Variants in ZNF483 observed in about 807,000 individuals in gnomAD.
ZNF483 encodes the protein zinc finger protein 483.
ZNF483 carries 9 observed loss-of-function variants against 28.6 expected under a neutral mutation model. The ratio of observed to expected loss-of-function variants is 0.32; its 90% CI spans 0.19 to 0.55. The LOEUF (loss-of-function observed/expected upper bound fraction) is 0.55, where lower values mean the gene tolerates loss of function less well. Ranked by LOEUF, ZNF483 falls within the 20% of genes least tolerant of loss-of-function variation. ZNF483 has a pLI of 0.93. For synonymous variants in ZNF483, 322 were observed against 306.2 expected (o/e 1.05, Z -0.54); for missense variants, 675 against 871.7 (o/e 0.77, Z 2.84).
Position 111,550,526 on chromosome 9 carries a change from A to G in ZNF483, c.*7356A>G, listed in dbSNP as rs977811775. On this transcript the variant is annotated 3_prime_UTR_variant, in exon 6 of 6. Coordinates refer to ENST00000309235, the MANE Select transcript of ZNF483 (RefSeq NM_133464.5). The stretch of plus-strand genomic sequence containing the variant: ...CTGAAATCCACCAATGTTAACTGCA[A>G]TTTACCACTCAGAATTTCCCCTAGA... Among the ~76,000 whole-genome samples the G allele has an allele frequency of 1.3e-5, 2 of 152,144 alleles. No homozygotes were observed. The highest frequency in any genetic ancestry group is 2.9e-5 in the Non-Finnish European group (2 of 68,032).
chr9:111,543,021 TGTG>T lies in ZNF483; in HGVS notation c.2090_2092del (p.Gly697del). 1 of 1,614,170 alleles carries T rather than the reference TGTG, an allele frequency of 6.2e-7. No homozygotes were observed. The highest frequency in any genetic ancestry group is 8.5e-7 in the Non-Finnish European group (1 of 1,180,012). On this transcript the variant is annotated inframe_deletion, in exon 6 of 6. Coordinates refer to ENST00000309235, the MANE Select transcript of ZNF483 (RefSeq NM_133464.5). ...AGAGAAACCCTATGAGTGTAACTAT[TGTG>T]GTGCAACCTTTAGTCGAAGCTCAAT...
downstream of ZNF483, among the ~76,000 whole-genome samples, chr9:111,556,570 C>A (rs967749716): frequency 3.9e-5 from 6 of 152,222 alleles, no homozygotes; most frequent in African/African-American, 1.2e-4. Context: ...CAACTCTTGT[C>A]TTCTTTGCAC....
rs952675594 is a variant in ZNF483 at position 111,551,342 on chromosome 9, T to G, written c.*8172T>G. Among the ~76,000 whole-genome samples the G allele has an allele frequency of 6.6e-6, 1 of 151,984 alleles. No individual in the cohort carries two copies. Among genetic ancestry groups the G allele is most frequent in the African/African-American group, 2.4e-5 (1 of 41,400 alleles). ...TTCACATAGTTCTTCCAAACATACT[T>G]TGTTGTTGTTCTAAATATACTTAAT... On this transcript the variant is annotated 3_prime_UTR_variant, in exon 6 of 6. Transcript: ENST00000309235.
At chr9:111,562,173 T>G (rs1828346680) in intron 5 of ZNF483, among the ~76,000 whole-genome samples, 2 of 150,350 alleles carry the variant, frequency 1.3e-5, no homozygotes, top group Non-Finnish European at 3.0e-5. Flanking sequence ...GCGCCCGGCC[T>G]ATGCTGGTGT....
chr9:111,544,158 A>G lies in ZNF483; in HGVS notation c.*988A>G, dbSNP rs1003888560. 1.0e-6 allele frequency: 1 copy of G among 985,482 alleles called. No homozygotes were observed. Among genetic ancestry groups the G allele is most frequent in the African/African-American group, 1.7e-5 (1 of 57,348 alleles). 61.0% of individuals were successfully genotyped at this position (985,482 alleles called of 1,614,324 possible). ...CAGCCGTGAGAGTAACAGTCCTAGG[A>G]AAATAGATGGGGGCTGGGGGTAAGG... On this transcript the variant is annotated 3_prime_UTR_variant, in exon 6 of 6. Coordinates refer to ENST00000309235, the MANE Select transcript of ZNF483 (RefSeq NM_133464.5).
At chr9:111,525,437 T>G (rs1392310797) in intron 1 of ZNF483, among the ~76,000 whole-genome samples, 175 bp downstream of exon 1, 1 of 152,180 alleles carries the variant, frequency 6.6e-6, no homozygotes, top group Non-Finnish European at 1.5e-5. Context: ...TTGGCTTCCC[T>G]CCATCCCTCC....
chr9:111,540,305 G>A (rs575505465), intron 5 of ZNF483, among the ~76,000 whole-genome samples: 74 of 152,228 alleles, frequency 4.9e-4, no homozygotes, highest in African/African-American at 1.7e-3. Context: ...TTGGCCATTA[G>A]TTAACTTCTA....
chr9:111,557,073 C>T (rs116222371), downstream of ZNF483, among the ~76,000 whole-genome samples: 591 of 152,330 alleles, frequency 3.9e-3, 3 homozygotes, highest in African/African-American at 0.013. Flanking sequence ...GCCCTGGAAG[C>T]ATTTTCCCCA....
intron 5 of ZNF483, among the ~76,000 whole-genome samples, chr9:111,571,160 C>T (rs1454747193): frequency 6.7e-6 from 1 of 149,728 alleles, no homozygotes; most frequent in Non-Finnish European, 1.5e-5. Flanking sequence ...TGCCTATAAT[C>T]CAGCATTTTG....
At chr9:111,576,506 G>A (rs1829061896) in exon 6 of ZNF483, 3 of 1,554,470 alleles carry the variant, frequency 1.9e-6, no homozygotes, top group South Asian at 2.3e-5. Context: ...CTGGTTCGGG[G>A]AAGAGCTGGA....
In ZNF483 at chr9:111,549,892, T is replaced by C. The variant is rs891347669; in HGVS notation, c.*6722T>C. ...GTGAGTCAATGTTTGGTCTTCCTCATGTCCATTTTTTGTTGGTTTATTTTG... is the reference window on the plus strand; with the variant it reads ...GTGAGTCAATGTTTGGTCTTCCTCACGTCCATTTTTTGTTGGTTTATTTTG... On this transcript the variant is annotated 3_prime_UTR_variant, in exon 6 of 6. Coordinates refer to ENST00000309235, the MANE Select transcript of ZNF483 (RefSeq NM_133464.5). 17 of 768,550 alleles carry C rather than the reference T, an allele frequency of 2.2e-5. No individual in the cohort carries two copies. The African/African-American group carries it at 2.3e-4, about 11-fold the overall frequency. 47.6% of individuals were successfully genotyped at this position (768,550 alleles called of 1,614,324 possible). A position where few individuals can be genotyped will look rare whatever the true frequency, so the allele number is the denominator to read the frequency against.
In ZNF483 at chr9:111,538,090, A is replaced by G. The variant is rs950658356; in HGVS notation, c.722-3567A>G. ...AATGACAAAATAGACTAGTATCTAT[A>G]TATCTTAAAAATACATGACATACAT... On this transcript the variant is annotated intron_variant, in intron 5 of 5. Transcript: ENST00000309235. Among the ~76,000 whole-genome samples, 13 of 151,978 alleles carry G rather than the reference A, an allele frequency of 8.6e-5. No homozygotes were observed. The East Asian group carries it at 1.9e-3, about 23-fold the overall frequency.
At chr9:111,565,412 A>G (rs1828513463) in intron 5 of ZNF483, among the ~76,000 whole-genome samples, 1 of 152,246 alleles carries the variant, frequency 6.6e-6, no homozygotes, top group African/African-American at 2.4e-5. Flanking sequence ...ACAAACTAAT[A>G]CAAATACTAA....
chr9:111,569,423 A>C (rs536169770), intron 5 of ZNF483, among the ~76,000 whole-genome samples: 5 of 152,200 alleles, frequency 3.3e-5, no homozygotes, highest in Non-Finnish European at 7.3e-5. Context: ...TCCCATAGCC[A>C]AGTGAGGCTA....
chr9:111,578,053 G>T (rs140693644), downstream of ZNF483, among the ~76,000 whole-genome samples: 3,141 of 152,018 alleles, frequency 0.021, 34 homozygotes, highest in South Asian at 0.034. Flanking sequence ...TGCCAATATA[G>T]TAAAAAACAT....
intron 5 of ZNF483, among the ~76,000 whole-genome samples, chr9:111,561,368 T>C (rs1828317949): frequency 6.6e-6 from 1 of 151,892 alleles, no homozygotes; most frequent in South Asian, 2.1e-4. Context: ...CTCAGACTCC[T>C]GGTCTCAAGT....
Position 111,544,346 on chromosome 9 carries a change from GCA to G in ZNF483, c.*1177_*1178del, listed in dbSNP as rs1491036916. 21 of 960,322 alleles carry G rather than the reference GCA, an allele frequency of 2.2e-5. No homozygotes were observed. Among genetic ancestry groups the G allele is most frequent in the East Asian group, 1.3e-4 (1 of 7,470 alleles). The allele number at this position is 960,322 out of a possible 1,614,324, so 59.5% of individuals were successfully genotyped here. A position where few individuals can be genotyped will look rare whatever the true frequency, so the allele number is the denominator to read the frequency against. ...TATAACAATTTGCTTGGGTGTGTGT[GCA>G]TGTGTGTGTGTGTGTGTGTGTGTGT... On this transcript the variant is annotated 3_prime_UTR_variant, in exon 6 of 6. Coordinates refer to ENST00000309235, the MANE Select transcript of ZNF483 (RefSeq NM_133464.5).
At position 111,546,991 on chromosome 9, in the gene ZNF483, G is replaced by A. The variant is rs527273500; in HGVS notation, c.*3821G>A. On this transcript the variant is annotated 3_prime_UTR_variant, in exon 6 of 6. Coordinates refer to ENST00000309235, the MANE Select transcript of ZNF483 (RefSeq NM_133464.5). ...ACTTAGCATTATGTTTTCAAGGTTCGGCCGTGTTGTAGCACATATCAGAAT... is the reference window on the plus strand; with the variant it reads ...ACTTAGCATTATGTTTTCAAGGTTCAGCCGTGTTGTAGCACATATCAGAAT... Among the ~76,000 whole-genome samples the A allele has an allele frequency of 2.0e-5, 3 of 152,166 alleles. No homozygotes were observed. The highest frequency in any genetic ancestry group is 1.9e-4 in the East Asian group (1 of 5,186).
chr9:111,572,681 C>T (rs1284888163), intron 5 of ZNF483, among the ~76,000 whole-genome samples: 1 of 138,900 alleles, frequency 7.2e-6, no homozygotes, highest in Non-Finnish European at 1.5e-5. Flanking sequence ...CACTTGAGCC[C>T]AGAAGGTGGA....
Sources: allele counts gnomAD v4.1 joint callset (sites outside exome capture counted in the v4.1 genomes callset), GRCh38; gene constraint gnomAD v4.1.1; transcripts MANE v1.5; gene names NCBI Gene and HGNC (gene_info 2026-07-23, HGNC 2026-07-21).